Variants in BCL2 observed in about 807,000 individuals in gnomAD.
BCL2 encodes BCL2 apoptosis regulator, also known as apoptosis regulator Bcl-2.
In BCL2, 1 loss-of-function variant was observed where a neutral mutation model predicts 14.2. That is an observed-to-expected ratio of 0.07 (90% CI 0.02 to 0.33). The LOEUF is 0.33. BCL2 is among the 10% of genes least tolerant of loss of function. The probability of loss-of-function intolerance (pLI) is 0.99; values close to 1 mark genes in which losing one functional copy is unlikely to be tolerated. For missense variants in BCL2, 247 were observed against 305.9 expected (o/e 0.81, Z 1.44); for synonymous variants, 151 against 137.2 (o/e 1.10, Z -0.70).
chr18:63,299,966 C>CA (rs1439832010), intron 2 of BCL2, among the ~76,000 whole-genome samples: 1 of 152,080 alleles, frequency 6.6e-6, no homozygotes, highest in East Asian at 1.9e-4. Flanking sequence ...ACTGTCCCCC[C>CA]CAAGGCCAGA....
chr18:63,220,208 G>T (rs1402696711), intron 2 of BCL2, among the ~76,000 whole-genome samples: 1 of 152,206 alleles, frequency 6.6e-6, no homozygotes, highest in Admixed American at 6.5e-5. Flanking sequence ...TGAAAGACTG[G>T]TATCAAGAGC....
chr18:63,310,635 C>T (rs990912777), intron 2 of BCL2, among the ~76,000 whole-genome samples: 4 of 152,270 alleles, frequency 2.6e-5, no homozygotes, highest in Non-Finnish European at 5.9e-5. Flanking sequence ...TAGAGCTTTG[C>T]ATGGTGTAGG....
chr18:63,186,685 C>A (rs528019553), intron 2 of BCL2, among the ~76,000 whole-genome samples: 1 of 152,132 alleles, frequency 6.6e-6, no homozygotes, highest in Non-Finnish European at 1.5e-5. Flanking sequence ...TTTTCATAGG[C>A]AAAAAATAAA....
chr18:63,297,009 G>C (rs2144276963), intron 2 of BCL2, among the ~76,000 whole-genome samples: 1 of 152,262 alleles, frequency 6.6e-6, no homozygotes, highest in East Asian at 1.9e-4. Context: ...TCAGGAGATT[G>C]AGACCATCTT....
intron 2 of BCL2, among the ~76,000 whole-genome samples, chr18:63,224,450 A>G (rs761335803): frequency 2.6e-5 from 4 of 152,256 alleles, no homozygotes; most frequent in Admixed American, 6.5e-5. Flanking sequence ...GAATCAGAAC[A>G]GTGGCAGCTT....
At chr18:63,167,183 C>A (rs951968681) in intron 2 of BCL2, among the ~76,000 whole-genome samples, 1 of 152,136 alleles carries the variant, frequency 6.6e-6, no homozygotes, top group African/African-American at 2.4e-5. Flanking sequence ...CTTACAGTCA[C>A]CTATTTCCTG....
At chr18:63,268,227 T>C (rs1285854539) in intron 2 of BCL2, among the ~76,000 whole-genome samples, 4 of 152,248 alleles carry the variant, frequency 2.6e-5, no homozygotes, top group Admixed American at 1.3e-4. Context: ...GAGTGCTGTC[T>C]AGATGTTTCT....
intron 2 of BCL2, among the ~76,000 whole-genome samples, chr18:63,141,901 C>T (rs906145641): frequency 1.3e-5 from 2 of 152,244 alleles, no homozygotes; most frequent in South Asian, 2.1e-4. Context: ...CTCGTGAACA[C>T]GGGGCATGGC....
chr18:63,318,053 C>A lies in BCL2; in HGVS notation c.585+29G>T. On this transcript the variant is annotated intron_variant, in intron 2 of 2. Coordinates refer to ENST00000333681, the MANE Select transcript of BCL2 (RefSeq NM_000633.3). The surrounding 1 kb of genome is among the most constrained non-coding windows in gnomAD (Gnocchi z 7.4). ...CCGCATCTCGGACCTGTGGCCTCAG[C>A]CCAGACTCACATCACCAAGTGCACC... The A allele has an allele frequency of 6.2e-7, 1 of 1,611,318 alleles. No individual in the cohort carries two copies. The highest frequency in any genetic ancestry group is 8.5e-7 in the Non-Finnish European group (1 of 1,178,570).
Position 63,124,703 on chromosome 18 carries a change from C to T in BCL2, c.*3922G>A, listed in dbSNP as rs1913866976. 4.4e-6 allele frequency: 1 copy of T among 226,792 alleles called. No homozygotes were observed. Among genetic ancestry groups the T allele is most frequent in the Non-Finnish European group, 8.8e-6 (1 of 113,802 alleles). The allele number at this position is 226,792 out of a possible 1,614,324, so 14.0% of individuals were successfully genotyped here. A position where few individuals can be genotyped will look rare whatever the true frequency, so the allele number is the denominator to read the frequency against. On this transcript the variant is annotated 3_prime_UTR_variant, in exon 3 of 3. Coordinates refer to ENST00000333681, the MANE Select transcript of BCL2 (RefSeq NM_000633.3). The stretch of plus-strand genomic sequence containing the variant: ...ACAATAAAGATCTGATTGGAACCTT[C>T]ATAAGCTTGACAATGTAGAATTGTA...
At chr18:63,235,793 TA>T (rs1448527403) in intron 2 of BCL2, among the ~76,000 whole-genome samples, 1 of 151,668 alleles carries the variant, frequency 6.6e-6, no homozygotes, top group African/African-American at 2.4e-5. Flanking sequence ...TCTTTCACAA[TA>T]AAAAAATACT....
rs1390571114 is a variant in BCL2, at chr18:63,125,297, CTG to C, written c.*3326_*3327del. On this transcript the variant is annotated 3_prime_UTR_variant, in exon 3 of 3. Coordinates refer to ENST00000333681, the MANE Select transcript of BCL2 (RefSeq NM_000633.3). Reference sequence around the variant, plus strand: ...ACTAAATTGAGGTGCTTCCTTAATTCTGTGACTTTATTCCAAATCTTAAGCCT... The same window carrying C: ...ACTAAATTGAGGTGCTTCCTTAATTCTGACTTTATTCCAAATCTTAAGCCT... The C allele has an allele frequency of 4.4e-6, 1 of 226,666 alleles. No homozygotes were observed. The highest frequency in any genetic ancestry group is 2.2e-5 in the African/African-American group (1 of 45,004). 14.0% of individuals were successfully genotyped at this position (226,666 alleles called of 1,614,324 possible).
chr18:63,169,698 ATT>A (rs1250571664), intron 2 of BCL2, among the ~76,000 whole-genome samples: 1 of 151,300 alleles, frequency 6.6e-6, no homozygotes, highest in African/African-American at 2.4e-5. Context: ...TAATTTTTGT[ATT>A]TTTAGTAGAG....
intron 2 of BCL2, among the ~76,000 whole-genome samples, chr18:63,258,350 A>C (rs1347647051): frequency 6.6e-6 from 1 of 152,320 alleles, no homozygotes; most frequent in African/African-American, 2.4e-5. Flanking sequence ...ATATTATTTA[A>C]AGATATGAAG....
chr18:63,246,949 T>G (rs1400806827), intron 2 of BCL2, among the ~76,000 whole-genome samples: 2 of 152,168 alleles, frequency 1.3e-5, no homozygotes, highest in Non-Finnish European at 2.9e-5. Flanking sequence ...TAGGTTAGTT[T>G]ATGTAGGTAA....
At chr18:63,194,192 A>T (rs1329976933) in intron 2 of BCL2, among the ~76,000 whole-genome samples, 1 of 152,234 alleles carries the variant, frequency 6.6e-6, no homozygotes, top group African/African-American at 2.4e-5. Flanking sequence ...TCTGCCAGAT[A>T]GTAGGTGCTC....
chr18:63,318,977 C>G lies in BCL2; in HGVS notation c.-286-25G>C. 7.9e-7 allele frequency: 1 copy of G among 1,266,480 alleles called. No individual in the cohort carries two copies. Among genetic ancestry groups the G allele is most frequent in the Non-Finnish European group, 1.0e-6 (1 of 996,114 alleles). The allele number at this position is 1,266,480 out of a possible 1,614,324, so 78.5% of individuals were successfully genotyped here. A position where few individuals can be genotyped will look rare whatever the true frequency, so the allele number is the denominator to read the frequency against. On this transcript the variant is annotated intron_variant, in intron 1 of 2. Transcript: ENST00000333681. The surrounding 1 kb of genome is among the most constrained non-coding windows in gnomAD (Gnocchi z 7.4). ...GCTGAAAGGTTAAAGAAAAAACAAA[C>G]TAATAAGTAAAAAATCAGGTGCGTT...
At chr18:63,206,316 A>T (rs2144668955) in intron 2 of BCL2, among the ~76,000 whole-genome samples, 1 of 152,372 alleles carries the variant, frequency 6.6e-6, no homozygotes, top group Non-Finnish European at 1.5e-5. Flanking sequence ...CCCTCCAAGG[A>T]TAAACACAAG....
chr18:63,174,943 AAC>A lies in BCL2; in HGVS notation c.586-46186_586-46185del, dbSNP rs1378782278. ...AAGAACTATATAGCATACTCCTAAA[AAC>A]ACATGTCTGCCGTTTTCACCTAAGA... On this transcript the variant is annotated intron_variant, in intron 2 of 2. Coordinates refer to ENST00000333681, the MANE Select transcript of BCL2 (RefSeq NM_000633.3). Among the ~76,000 whole-genome samples, 3 of 152,170 alleles carry A rather than the reference AAC, an allele frequency of 2.0e-5. No individual in the cohort carries two copies. In the East Asian group the frequency reaches 5.8e-4, roughly 29 times the overall value.
Sources: allele counts gnomAD v4.1 joint callset (sites outside exome capture counted in the v4.1 genomes callset), GRCh38; gene constraint gnomAD v4.1.1; non-coding constraint Gnocchi (gnomAD v3.1); transcripts MANE v1.5; gene names NCBI Gene and HGNC (gene_info 2026-07-23, HGNC 2026-07-21).